ARHGAP18: variants seen among roughly 807,000 people sequenced by gnomAD.
ARHGAP18 encodes the protein Rho GTPase activating protein 18.
Under a neutral mutation model 86.2 loss-of-function variants are expected in ARHGAP18, and 67 were observed. That is an observed-to-expected ratio of 0.78 (90% confidence interval 0.64 to 0.95). The LOEUF (loss-of-function observed/expected upper bound fraction) is 0.95, where lower values mean the gene tolerates loss of function less well. ARHGAP18 is among the 40% of genes least tolerant of loss of function. The pLI is 0.00. For synonymous variants in ARHGAP18, 283 were observed against 280.4 expected, an observed-to-expected ratio of 1.01 and a Z score of -0.09; for missense variants, 691 against 780.4, an observed-to-expected ratio of 0.89 and a Z score of 1.37.
In ARHGAP18 at chr6:129,701,695, G is replaced by A. The variant is rs143025113; in HGVS notation, c.113+8329C>T. On this transcript the variant is annotated intron_variant, in intron 1 of 14. Coordinates refer to ENST00000368149, the MANE Select transcript of ARHGAP18 (RefSeq NM_033515.3). ...TGAGGCAGGAGAATCACTTGAACCT[G>A]GGAGGTGGAGGTTGCAGTGGGCTGA... 5.2e-3 allele frequency among the ~76,000 whole-genome samples: 794 copies of A among 152,242 alleles called. 8 individuals are homozygous for A. The highest frequency in any genetic ancestry group is 0.018 in the African/African-American group (753 of 41,548).
intron 1 of ARHGAP18, among the ~76,000 whole-genome samples, chr6:129,656,664 A>G (rs1008369288): frequency 1.5e-5 from 2 of 137,710 alleles, no homozygotes; most frequent in African/African-American, 5.4e-5. Flanking sequence ...TAAAAAATAA[A>G]AAATAAAAAA....
At chr6:129,686,788 CTTT>C (rs553951472) in intron 1 of ARHGAP18, among the ~76,000 whole-genome samples, 1 of 117,488 alleles carries the variant, frequency 8.5e-6, no homozygotes. Flanking sequence ...CTAATAAAAC[CTTT>C]TTTTTTTTTT....
chr6:129,625,127 T>G (rs188008626), intron 5 of ARHGAP18, among the ~76,000 whole-genome samples: 3,080 of 5,850 alleles, frequency 0.53, 761 homozygotes, highest in African/African-American at 0.64. Flanking sequence ...AGATATATAT[T>G]ATATATGATA....
intron 5 of ARHGAP18, among the ~76,000 whole-genome samples, chr6:129,620,595 TC>T (rs1406001179): frequency 1.3e-5 from 2 of 152,248 alleles, no homozygotes. Context: ...CTAAAACTGA[TC>T]ATTCTCTTAC....
intron 2 of ARHGAP18, among the ~76,000 whole-genome samples, chr6:129,640,042 C>CAAAA (rs374771260): frequency 0.013 from 923 of 70,688 alleles, 11 homozygotes; most frequent in African/African-American, 0.027. Flanking sequence ...GAGACTGTCT[C>CAAAA]AAAAAAAAAA....
At chr6:129,629,275 G>T (rs1307493103) in intron 5 of ARHGAP18, 78 bp downstream of exon 5, 6 of 1,195,216 alleles carry the variant, frequency 5.0e-6, no homozygotes, top group Non-Finnish European at 7.1e-6. Context: ...GTGTGTGCGT[G>T]TGTGTGTATG....
intron 1 of ARHGAP18, among the ~76,000 whole-genome samples, chr6:129,703,181 G>T (rs1205707265): frequency 6.6e-6 from 1 of 152,140 alleles, no homozygotes; most frequent in Non-Finnish European, 1.5e-5. Flanking sequence ...AGCCAGTGGG[G>T]AATTAAAACA....
At chr6:129,666,141 G>A (rs898002414) in intron 1 of ARHGAP18, among the ~76,000 whole-genome samples, 18 of 152,068 alleles carry the variant, frequency 1.2e-4, no homozygotes, top group Admixed American at 3.3e-4. Context: ...CTCAGATCAC[G>A]CCATGGACTG....
chr6:129,616,344 T>C (rs750140610), intron 6 of ARHGAP18, 41 bp from the exon 7 acceptor site: 2 of 1,448,136 alleles, frequency 1.4e-6, no homozygotes, highest in South Asian at 2.5e-5. Context: ...TTTGTCAATC[T>C]ATAAAATATT....
At chr6:129,625,955 T>TTATATATATTTATATATTATATATTA (rs1227649478) in intron 5 of ARHGAP18, among the ~76,000 whole-genome samples, 2 of 63,072 alleles carry the variant, frequency 3.2e-5, no homozygotes, top group African/African-American at 9.5e-5. Flanking sequence ...TATTTATATA[T>TTATATATATTTATATATTATATATTA]TATATATTTA....
At chr6:129,625,787 TATATA>T (rs1789430192) in intron 5 of ARHGAP18, among the ~76,000 whole-genome samples, 1 of 70,444 alleles carries the variant, frequency 1.4e-5, no homozygotes, top group Non-Finnish European at 2.4e-5. Context: ...ATATATATAA[TATATA>T]TTTTTATATT....
chr6:129,655,059 G>A (rs1366015834), intron 1 of ARHGAP18, among the ~76,000 whole-genome samples: 1 of 152,230 alleles, frequency 6.6e-6, no homozygotes, highest in Non-Finnish European at 1.5e-5. Context: ...GGTGGCTCAC[G>A]CCTGTAAGCC....
rs997984732 is a variant in ARHGAP18, at chr6:129,661,793, G to A, written c.114-19775C>T. On this transcript the variant is annotated intron_variant, in intron 1 of 14. Coordinates refer to ENST00000368149, the MANE Select transcript of ARHGAP18 (RefSeq NM_033515.3). ...ACCACAAATAACGTGCAGGGTATCC[G>A]TTCGGCCCTCCACCCTCAGCCCATC... 4 of 809,884 alleles carry A rather than the reference G, an allele frequency of 4.9e-6. No homozygotes were observed. The South Asian group carries it at 1.7e-4, about 34-fold the overall frequency. 50.2% of individuals were successfully genotyped at this position (809,884 alleles called of 1,614,324 possible). A position where few individuals can be genotyped will look rare whatever the true frequency, so the allele number is the denominator to read the frequency against.
intron 1 of ARHGAP18, among the ~76,000 whole-genome samples, chr6:129,651,671 C>T (rs913299304): frequency 1.3e-5 from 2 of 152,242 alleles, no homozygotes; most frequent in South Asian, 4.1e-4. Context: ...TCAGGCCCTG[C>T]GGTGGTTCAC....
At chr6:129,616,839 C>T (rs1187490613) in intron 6 of ARHGAP18, among the ~76,000 whole-genome samples, 2 of 151,916 alleles carry the variant, frequency 1.3e-5, no homozygotes, top group Non-Finnish European at 2.9e-5. Context: ...TCCTATAGTC[C>T]CAGCTACTTG....
At chr6:129,659,545 T>G (rs6918209) in intron 1 of ARHGAP18, among the ~76,000 whole-genome samples, 59,222 of 151,960 alleles carry the variant, frequency 0.39, 11,743 homozygotes, top group Middle Eastern at 0.45. Context: ...TCGGCTTACT[T>G]CAACCTCCAC....
intron 1 of ARHGAP18, among the ~76,000 whole-genome samples, chr6:129,697,458 A>G (rs1433189812): frequency 1.4e-5 from 2 of 138,506 alleles, no homozygotes; most frequent in Non-Finnish European, 1.6e-5. Context: ...TTTTTTTTTT[A>G]GTCAGTATTT....
intron 4 of ARHGAP18, 104 bp from the exon 5 acceptor site, chr6:129,629,626 T>C: frequency 8.4e-7 from 1 of 1,192,822 alleles, no homozygotes; most frequent in Non-Finnish European, 1.2e-6. Flanking sequence ...GAGTACTATT[T>C]TCTCTAGGCA....
intron 7 of ARHGAP18, among the ~76,000 whole-genome samples, chr6:129,612,497 CCA>C (rs1789000693): frequency 2.0e-5 from 3 of 152,192 alleles, no homozygotes; most frequent in African/African-American, 4.8e-5. Context: ...CTTCACTCAT[CCA>C]CAGTCTTACT....
Sources: gnomAD v4.1 joint callset for allele counts (sites outside exome capture counted in the v4.1 genomes callset) on GRCh38, gnomAD v4.1.1 for gene constraint, MANE v1.5 for transcripts, NCBI Gene and HGNC (gene_info 2026-07-23, HGNC 2026-07-21) for gene names.